The following GALNT10 variants were observed in gnomAD, a reference collection of about 807,000 sequenced individuals.
GALNT10 encodes GalNAc transferase 10.
In GALNT10, 41 loss-of-function variants were observed where a neutral mutation model predicts 75.0. That is an observed-to-expected ratio of 0.55 (90% CI 0.43 to 0.71). The LOEUF is 0.71. Ranked by LOEUF, GALNT10 falls within the 30% of genes least tolerant of loss-of-function variation. The pLI is 0.00. For synonymous variants in GALNT10, 302 were observed against 313.0 expected (o/e 0.96, Z 0.37); for missense variants, 727 against 818.5 (o/e 0.89, Z 1.36).
chr5:154,351,780 G>A (rs1755206806), intron 4 of GALNT10, among the ~76,000 whole-genome samples: 2 of 152,220 alleles, frequency 1.3e-5, no homozygotes, highest in South Asian at 2.1e-4. Context: ...TATAAATGAG[G>A]CAACTGAGAC....
At chr5:154,261,935 AATG>A (rs1581944673) in intron 1 of GALNT10, among the ~76,000 whole-genome samples, 1 of 152,158 alleles carries the variant, frequency 6.6e-6, no homozygotes, top group East Asian at 1.9e-4. Flanking sequence ...GCAAAATGGG[AATG>A]ATAACATCTA....
At position 154,300,577 on chromosome 5, in the gene GALNT10, G is replaced by C. The variant is rs561943859; in HGVS notation, c.401+2498G>C. On this transcript the variant is annotated intron_variant, in intron 3 of 11. Transcript: ENST00000297107. ...TTTCTGCAGTGAGAGAGAGAGACAG[G>C]CTGGGTGTGGTCACAGCTTTCTTCC... is the stretch of plus-strand genomic sequence containing the variant. Among the ~76,000 whole-genome samples, 37 of 152,300 alleles carry C rather than the reference G, an allele frequency of 2.4e-4. 1 individual carries two copies. In the South Asian group the frequency reaches 7.5e-3, roughly 31 times the overall value.
chr5:154,412,935 C>A lies in GALNT10; in HGVS notation c.1433C>A (p.Ala478Asp), dbSNP rs1756431448. 2 of 1,613,774 alleles carry A rather than the reference C, an allele frequency of 1.2e-6. No homozygotes were observed. Among genetic ancestry groups the A allele is most frequent in the African/African-American group, 1.3e-5 (1 of 75,044 alleles). ...TGLCADTKHG[A>D]LGSPLRLEGC... ...CTGTGTGCAGACACAAAGCACGGGG[C>A]CTTGGGCTCCCCACTAAGGCTAGAG... Residue 478 changes from alanine to aspartate, a missense_variant, in exon 10 of 12, where the codon GCC (alanine) becomes GAC (aspartate). Ala to Asp is a moderately radical substitution (Grantham distance 126). Coordinates refer to ENST00000297107, the MANE Select transcript of GALNT10 (RefSeq NM_198321.4). The surrounding 1 kb of genome is among the most constrained non-coding windows in gnomAD (Gnocchi z 4.2).
intron 2 of GALNT10, among the ~76,000 whole-genome samples, chr5:154,296,610 T>C (rs757246914): frequency 1.4e-4 from 21 of 152,150 alleles, no homozygotes; most frequent in Non-Finnish European, 2.4e-4. Context: ...TTGAACCTTC[T>C]CATTCTAATT....
chr5:154,215,621 A>G (rs1301620825), intron 1 of GALNT10, among the ~76,000 whole-genome samples: 1 of 152,240 alleles, frequency 6.6e-6, no homozygotes, highest in African/African-American at 2.4e-5. Context: ...TTCTAGACCT[A>G]AGATATAACA....
rs955045407 is a variant in GALNT10 at position 154,420,909 on chromosome 5, C to G, written c.*3937C>G. 3.3e-5 allele frequency: 5 copies of G among 152,218 alleles called. No homozygotes were observed. Among genetic ancestry groups the G allele is most frequent in the African/African-American group, 1.2e-4 (5 of 41,460 alleles). 9.4% of individuals were successfully genotyped at this position (152,218 alleles called of 1,614,324 possible). On this transcript the variant is annotated 3_prime_UTR_variant, in exon 12 of 12. Coordinates refer to ENST00000297107, the MANE Select transcript of GALNT10 (RefSeq NM_198321.4). ...TCTCCTCCTGCCTGGAAAAATAAGC[C>G]TTTGTGAAAGACTGATTTACCATGT...
intron 1 of GALNT10, among the ~76,000 whole-genome samples, chr5:154,291,865 A>G (rs193260770): frequency 1.1e-4 from 16 of 152,312 alleles, no homozygotes; most frequent in African/African-American, 3.6e-4. Context: ...GGTGAAATGC[A>G]ATAAGGAATG....
At chr5:154,307,251 G>C (rs1251368405) in intron 3 of GALNT10, among the ~76,000 whole-genome samples, 1 of 152,190 alleles carries the variant, frequency 6.6e-6, no homozygotes, top group Non-Finnish European at 1.5e-5. Context: ...GTGTAGTTAA[G>C]TACCTTCCCA....
chr5:154,290,879 G>A (rs892367176), intron 1 of GALNT10, among the ~76,000 whole-genome samples: 1 of 152,126 alleles, frequency 6.6e-6, no homozygotes, highest in African/African-American at 2.4e-5. Flanking sequence ...TGTACTAATT[G>A]TCTCTGAGCA....
chr5:154,397,736 C>T (rs529870728), intron 7 of GALNT10, among the ~76,000 whole-genome samples: 52 of 152,342 alleles, frequency 3.4e-4, no homozygotes, highest in African/African-American at 1.1e-3. Context: ...CGGCAAAAGC[C>T]GTGGCCAGCT....
chr5:154,236,739 A>T (rs1407093163), intron 1 of GALNT10, among the ~76,000 whole-genome samples: 1 of 152,220 alleles, frequency 6.6e-6, no homozygotes, highest in Non-Finnish European at 1.5e-5. Flanking sequence ...TTTGATTCTC[A>T]TAACAGAAAC....
intron 1 of GALNT10, among the ~76,000 whole-genome samples, chr5:154,283,581 A>G (rs977118847): frequency 5.9e-5 from 9 of 152,200 alleles, no homozygotes; most frequent in Non-Finnish European, 1.3e-4. Flanking sequence ...CCTAAGAGAA[A>G]CAAAGAAGAA....
chr5:154,205,486 C>T (rs1000574187), intron 1 of GALNT10, among the ~76,000 whole-genome samples: 8 of 152,182 alleles, frequency 5.3e-5, no homozygotes, highest in South Asian at 2.1e-4. Context: ...GGCTGCTGGT[C>T]GTGCCCCAGG....
intron 4 of GALNT10, among the ~76,000 whole-genome samples, chr5:154,355,600 C>A (rs1205047396): frequency 6.6e-6 from 1 of 152,274 alleles, no homozygotes; most frequent in Non-Finnish European, 1.5e-5. Flanking sequence ...GAGGCAGCAG[C>A]TGCCATTGCA....
intron 1 of GALNT10, among the ~76,000 whole-genome samples, chr5:154,218,839 C>T (rs1309030686): frequency 2.0e-5 from 3 of 152,200 alleles, no homozygotes; most frequent in Non-Finnish European, 4.4e-5. Flanking sequence ...GAAGCCTTGG[C>T]TTTCCCCGAG....
intron 3 of GALNT10, among the ~76,000 whole-genome samples, chr5:154,310,593 A>G (rs909476748): frequency 6.6e-6 from 1 of 151,798 alleles, no homozygotes; most frequent in East Asian, 1.9e-4. Flanking sequence ...TCAGCCTCCC[A>G]AGTAGCTGGG....
intron 4 of GALNT10, among the ~76,000 whole-genome samples, chr5:154,334,650 A>G (rs1754914787): frequency 6.6e-6 from 1 of 152,246 alleles, no homozygotes; most frequent in Non-Finnish European, 1.5e-5. Flanking sequence ...GCCCGGAATG[A>G]TGAGGTACAA....
In GALNT10 at chr5:154,204,260, C is replaced by T. The variant is rs190851499; in HGVS notation, c.159+13235C>T. ...GATACTCAGTGAGGCCCTGAATTCT[C>T]TGCTGGATCTGACTGCATCTCTGAA... On this transcript the variant is annotated intron_variant, in intron 1 of 11. Coordinates refer to ENST00000297107, the MANE Select transcript of GALNT10 (RefSeq NM_198321.4). Among the ~76,000 whole-genome samples, 18 of 152,312 alleles carry T rather than the reference C, an allele frequency of 1.2e-4. No homozygotes were observed. In the East Asian group the frequency reaches 1.7e-3, roughly 15 times the overall value.
intron 4 of GALNT10, among the ~76,000 whole-genome samples, chr5:154,334,893 C>G (rs572596339): frequency 2.7e-4 from 41 of 152,298 alleles, no homozygotes; most frequent in Admixed American, 1.0e-3. Flanking sequence ...GTCAATAGTC[C>G]TCTTCCCATA....
Sources: gnomAD v4.1 joint callset for allele counts (sites outside exome capture counted in the v4.1 genomes callset) on GRCh38, gnomAD v4.1.1 for gene constraint, Gnocchi (gnomAD v3.1) non-coding constraint, MANE v1.5 for transcripts, NCBI Gene and HGNC (gene_info 2026-07-23, HGNC 2026-07-21) for gene names.